DUS1L: variants seen among roughly 807,000 people sequenced by gnomAD.
DUS1L encodes dihydrouridine synthase 1 like.
DUS1L carries 56 observed loss-of-function variants against 61.2 expected under a neutral mutation model. The observed-to-expected ratio is 0.92, with a 90% CI of 0.74 to 1.14. The LOEUF is 1.14. DUS1L is among the 50% of genes most tolerant of loss of function. The pLI, the probability that DUS1L is intolerant of heterozygous loss-of-function variation, is 0.00. For synonymous variants in DUS1L, 278 were observed against 259.5 expected (o/e 1.07, Z -0.69); for missense variants, 630 against 632.4 (o/e 1.00, Z 0.04).
rs2033088864 is a variant in DUS1L, at chr17:82,057,506, G to A, written c.*609C>T. 5.2e-6 allele frequency: 2 copies of A among 383,206 alleles called. No homozygotes were observed. The highest frequency in any genetic ancestry group is 3.7e-4 in the Middle Eastern group (1 of 2,702). The allele number at this position is 383,206 out of a possible 1,614,324, so 23.7% of individuals were successfully genotyped here. ...GTTCTTTCCTGCCGTGCAGGCTCTG[G>A]TCACCCCTGGGTGGCCTTGGGTTCC... On this transcript the variant is annotated 3_prime_UTR_variant, in exon 14 of 14. Transcript: ENST00000306796.
chr17:82,058,470 C>T, intron 12 of DUS1L, 54 bp from the exon 13 acceptor site: 2 of 1,475,080 alleles, frequency 1.4e-6, no homozygotes, highest in African/African-American at 1.4e-5. Flanking sequence ...CGGGGCCAGG[C>T]TGGCCAGCAG....
intron 2 of DUS1L, 78 bp downstream of exon 2, chr17:82,064,745 C>G (rs2033685071): frequency 7.1e-7 from 1 of 1,408,856 alleles, no homozygotes; most frequent in Non-Finnish European, 9.7e-7. Flanking sequence ...TGTCCCGCCA[C>G]AGAGAGAAGG....
chr17:82,062,806 C>T, intron 5 of DUS1L, 55 bp downstream of exon 5: 3 of 1,463,258 alleles, frequency 2.1e-6, no homozygotes, highest in Non-Finnish European at 2.9e-6. Flanking sequence ...CAGCTATGTC[C>T]TCTGCGCAAA....
At chr17:82,064,749 G>A in intron 2 of DUS1L, 74 bp downstream of exon 2, 2 of 1,422,708 alleles carry the variant, frequency 1.4e-6, no homozygotes, top group Admixed American at 2.1e-5. Flanking sequence ...CCGCCACAGA[G>A]AGAAGGGTTT....
At chr17:82,060,622 G>A in intron 10 of DUS1L, 79 bp downstream of exon 10, 1 of 1,522,134 alleles carries the variant, frequency 6.6e-7, no homozygotes, top group African/African-American at 1.4e-5. Flanking sequence ...GGACAAGCAG[G>A]GCAGGCGCAG....
At chr17:82,065,521 G>A (rs1034159085) in intron 1 of DUS1L, 92 bp downstream of exon 1, 84 of 157,950 alleles carry the variant, frequency 5.3e-4, no homozygotes, top group African/African-American at 1.8e-3. Flanking sequence ...AAACGCCACA[G>A]GGGCGCCCCT....
chr17:82,063,747 C>T (rs1398548061), intron 3 of DUS1L, among the ~76,000 whole-genome samples: 2 of 152,222 alleles, frequency 1.3e-5, no homozygotes, highest in Non-Finnish European at 2.9e-5. Context: ...GCTGCCTAAG[C>T]TCAGAAGGTG....
In DUS1L at chr17:82,057,952, G is replaced by T; in HGVS notation, c.*163C>A. 1.2e-6 allele frequency: 1 copy of T among 833,438 alleles called. No homozygotes were observed. Among genetic ancestry groups the T allele is most frequent in the Non-Finnish European group, 1.7e-6 (1 of 578,170 alleles). The allele number at this position is 833,438 out of a possible 1,614,324, so 51.6% of individuals were successfully genotyped here. ...ACAGGGCAGGTCCAGCCTGGGGCCT[G>T]CTCCCCACTGCAGCATTTCCAGGCC... On this transcript the variant is annotated 3_prime_UTR_variant, in exon 14 of 14. Coordinates refer to ENST00000306796, the MANE Select transcript of DUS1L (RefSeq NM_022156.5).
chr17:82,063,272 G>A (rs575471772), intron 4 of DUS1L, 196 bp downstream of exon 4: 1 of 723,868 alleles, frequency 1.4e-6, no homozygotes, highest in South Asian at 1.7e-5. Context: ...GTTTTAAGGG[G>A]TGGGTGGTGC....
At chr17:82,060,647 G>T in intron 10 of DUS1L, 54 bp downstream of exon 10, 1 of 1,580,026 alleles carries the variant, frequency 6.3e-7, no homozygotes, top group South Asian at 1.1e-5. Flanking sequence ...GTGGGCACAG[G>T]GTGGAGCCCA....
rs541870122 is a variant in DUS1L, at chr17:82,058,333, G to A, written c.1282+8C>T. ...GCCTGCTGCGGGGCGGGTGGTAGGCGCCCTCACCTGGGCAGTCTGCAGTCT... is the reference window on the plus strand; with the variant it reads ...GCCTGCTGCGGGGCGGGTGGTAGGCACCCTCACCTGGGCAGTCTGCAGTCT... On this transcript the variant is annotated splice_region_variant and intron_variant, in intron 13 of 13. Coordinates refer to ENST00000306796, the MANE Select transcript of DUS1L (RefSeq NM_022156.5). 20 of 1,511,880 alleles carry A rather than the reference G, an allele frequency of 1.3e-5. No individual in the cohort carries two copies. The highest frequency in any genetic ancestry group is 1.8e-4 in the Middle Eastern group (1 of 5,582). The allele number at this position is 1,511,880 out of a possible 1,614,324, so 93.7% of individuals were successfully genotyped here.
chr17:82,058,423 A>G lies in DUS1L; in HGVS notation c.1207-7T>C. The G allele has an allele frequency of 6.7e-7, 1 of 1,483,406 alleles. No individual in the cohort carries two copies. Among genetic ancestry groups the G allele is most frequent in the Non-Finnish European group, 9.0e-7 (1 of 1,115,424 alleles). 91.9% of individuals were successfully genotyped at this position (1,483,406 alleles called of 1,614,324 possible). A position where few individuals can be genotyped will look rare whatever the true frequency, so the allele number is the denominator to read the frequency against. ...TGAACACACATCTGTTGCCCTGGGC[A>G]CAGGAAATCTCGGGAGCCTGTGGCC... is the stretch of plus-strand genomic sequence containing the variant. On this transcript the variant is annotated splice_polypyrimidine_tract_variant and splice_region_variant and intron_variant, in intron 12 of 13. Coordinates refer to ENST00000306796, the MANE Select transcript of DUS1L (RefSeq NM_022156.5).
chr17:82,061,209 G>A lies in DUS1L; in HGVS notation c.842C>T (p.Thr281Met), dbSNP rs778481501. The A allele has an allele frequency of 2.2e-5, 35 of 1,586,214 alleles. No homozygotes were observed. The highest frequency in any genetic ancestry group is 6.9e-5 in the Admixed American group (4 of 57,694). Residue 281 changes from threonine (T) to methionine (M), a missense_variant and splice_region_variant, in exon 8 of 14, where the codon ACG becomes ATG. Physicochemically the swap from Thr to Met is moderately conservative, Grantham distance 81. Coordinates refer to ENST00000306796, the MANE Select transcript of DUS1L (RefSeq NM_022156.5). ...RAHLFKLWHHTLQVHQELREE... is the reference protein window; with the variant it reads ...RAHLFKLWHHMLQVHQELREE... ...GCTTCTGCCTTAGGGGGCAACTCAC[G>A]TGTGGTGCCACAGCTTGAAGAGGTG...
In DUS1L at chr17:82,060,050, G is replaced by A. The variant is rs1318795565; in HGVS notation, c.1066C>T (p.Arg356Trp). The A allele has an allele frequency of 4.3e-6, 7 of 1,613,526 alleles. No homozygotes were observed. Among genetic ancestry groups the A allele is most frequent in the Non-Finnish European group, 5.9e-6 (7 of 1,179,922 alleles). ...CCACCCTCCTCTTCCTCCAGGGCCC[G>A]CTTGCTGCGCGCACCTGCCTTCTCC... Reference protein sequence around the residue: ...SKEKAGARSKRALEEEEGGTE... With the variant: ...SKEKAGARSKWALEEEEGGTE... The change falls in exon 11 of 14, where the codon CGG becomes TGG. Residue 356 changes from arginine to tryptophan, a missense_variant. Arg to Trp is a moderately radical substitution (Grantham distance 101). Transcript: ENST00000306796.
Position 82,057,880 on chromosome 17 carries a change from C to A in DUS1L, c.*235G>T. The A allele has an allele frequency of 2.5e-6, 1 of 407,746 alleles. No individual in the cohort carries two copies. The highest frequency in any genetic ancestry group is 4.3e-6 in the Non-Finnish European group (1 of 233,632). The allele number at this position is 407,746 out of a possible 1,614,324, so 25.3% of individuals were successfully genotyped here. ...AGTGGTCACAGGCTGTGGGCTCTCGCATCTTTGAAATGATTTATTGTTCAC... is the reference window on the plus strand; with the variant it reads ...AGTGGTCACAGGCTGTGGGCTCTCGAATCTTTGAAATGATTTATTGTTCAC... On this transcript the variant is annotated 3_prime_UTR_variant, in exon 14 of 14. Coordinates refer to ENST00000306796, the MANE Select transcript of DUS1L (RefSeq NM_022156.5).
chr17:82,059,905 AT>A, intron 11 of DUS1L, 42 bp downstream of exon 11: 8 of 1,610,992 alleles, frequency 5.0e-6, no homozygotes, highest in Non-Finnish European at 6.8e-6. Flanking sequence ...GATGGGGGTG[AT>A]GAAGAGGCTC....
intron 2 of DUS1L, 126 bp from the exon 3 acceptor site, chr17:82,064,360 T>C: frequency 1.3e-6 from 1 of 747,012 alleles, no homozygotes; most frequent in Non-Finnish European, 2.2e-6. Flanking sequence ...GAGGGTGCTC[T>C]GTCCTGCGGA....
At chr17:82,061,010 A>C (rs1169888682) in intron 8 of DUS1L, 49 bp from the exon 9 acceptor site, 4 of 1,586,806 alleles carry the variant, frequency 2.5e-6, no homozygotes, top group Non-Finnish European at 2.6e-6. Flanking sequence ...CTCCACCGTC[A>C]GGCCCCAGGC....
chr17:82,063,512 T>C lies in DUS1L; in HGVS notation c.353A>G (p.Tyr118Cys), dbSNP rs1320421324. The change falls in exon 4 of 14, where the codon TAT (tyrosine) becomes TGT (cysteine). Residue 118 changes from tyrosine (Y) to cysteine (C), a missense_variant. Coordinates refer to ENST00000306796, the MANE Select transcript of DUS1L (RefSeq NM_022156.5). ...CPQMIAKRGH[Y>C]GAFLQDEWDL... Reference sequence around the variant, plus strand: ...CCACTCGTCCTGCAGAAAGGCGCCATAGTGACCTGCAAGGAGCAAGCATGG... The same window carrying C: ...CCACTCGTCCTGCAGAAAGGCGCCACAGTGACCTGCAAGGAGCAAGCATGG... 2 of 1,613,170 alleles carry C rather than the reference T, an allele frequency of 1.2e-6. No individual in the cohort carries two copies. Among genetic ancestry groups the C allele is most frequent in the African/African-American group, 1.3e-5 (1 of 75,046 alleles).
Sources: allele counts gnomAD v4.1 joint callset (sites outside exome capture counted in the v4.1 genomes callset), GRCh38; gene constraint gnomAD v4.1.1; transcripts MANE v1.5; gene names NCBI Gene and HGNC (gene_info 2026-07-23, HGNC 2026-07-21).